Variants in ARHGEF33 observed in about 807,000 individuals in gnomAD.
The protein encoded by ARHGEF33 is Rho guanine nucleotide exchange factor 33.
In ARHGEF33, 72 loss-of-function variants were observed where a neutral mutation model predicts 101.9. The ratio of observed to expected loss-of-function variants is 0.71; its 90% CI spans 0.58 to 0.86. The LOEUF (loss-of-function observed/expected upper bound fraction) is 0.86. Among genes scored for constraint, ARHGEF33 ranks in the 40% least tolerant of loss-of-function variants. The pLI is 0.00. For missense variants in ARHGEF33, 1,169 were observed against 1,111.3 expected, an observed-to-expected ratio of 1.05 and a Z score of -0.74; for synonymous variants, 499 against 442.5, an observed-to-expected ratio of 1.13 and a Z score of -1.60.
intron 2 of ARHGEF33, among the ~76,000 whole-genome samples, chr2:38,912,400 T>A (rs2124986714): frequency 6.6e-6 from 1 of 152,350 alleles, no homozygotes. Context: ...TTCATAATCA[T>A]AGCAAGGCTT....
intron 2 of ARHGEF33, among the ~76,000 whole-genome samples, chr2:38,901,204 G>A (rs778254523): frequency 6.6e-6 from 1 of 152,150 alleles, no homozygotes; most frequent in Non-Finnish European, 1.5e-5. Context: ...CCAGAAAGAA[G>A]CATTCTTTCA....
At chr2:38,913,637 G>T (rs559929577) in intron 2 of ARHGEF33, among the ~76,000 whole-genome samples, 1 of 151,710 alleles carries the variant, frequency 6.6e-6, no homozygotes, top group Non-Finnish European at 1.5e-5. Context: ...TTAGCTGGGC[G>T]TGGTGGCGCA....
chr2:38,955,822 G>T (rs538859435), intron 13 of ARHGEF33, among the ~76,000 whole-genome samples: 3 of 151,784 alleles, frequency 2.0e-5, no homozygotes, highest in Admixed American at 1.3e-4. Flanking sequence ...GACTACAGGC[G>T]CCCACCACCA....
At chr2:38,956,255 G>T (rs991886445) in intron 13 of ARHGEF33, among the ~76,000 whole-genome samples, 1 of 152,152 alleles carries the variant, frequency 6.6e-6, no homozygotes, top group Non-Finnish European at 1.5e-5. Flanking sequence ...TTATTTACTA[G>T]ATGTGTGACC....
chr2:38,906,247 G>A (rs932148710), intron 2 of ARHGEF33, among the ~76,000 whole-genome samples: 3 of 151,484 alleles, frequency 2.0e-5, no homozygotes, highest in African/African-American at 7.3e-5. Context: ...CTAACTATCT[G>A]GGACAAAGGA....
intron 16 of ARHGEF33, among the ~76,000 whole-genome samples, chr2:38,961,005 C>G (rs533155932): frequency 6.2e-4 from 94 of 152,292 alleles, no homozygotes; most frequent in African/African-American, 2.2e-3. Context: ...TCTCTTCCTG[C>G]TTATGTGAAG....
chr2:38,968,837 C>A (rs530542944), intron 17 of ARHGEF33, among the ~76,000 whole-genome samples: 2 of 152,310 alleles, frequency 1.3e-5, no homozygotes, highest in South Asian at 4.1e-4. Flanking sequence ...GCTTAGGGTG[C>A]TGCAGTGGGC....
rs1667902281 is a variant in ARHGEF33, at chr2:38,960,553, G to T, written c.2248G>T (p.Ala750Ser). 1.6e-6 allele frequency: 2 copies of T among 1,261,834 alleles called. No homozygotes were observed. Among genetic ancestry groups the T allele is most frequent in the Admixed American group, 3.7e-5 (1 of 27,378 alleles). 78.2% of individuals were successfully genotyped at this position (1,261,834 alleles called of 1,614,324 possible). The change falls in exon 16 of 18, where the codon GCC becomes TCC. Residue 750 changes from alanine to serine, a missense_variant. Physicochemically the swap from Ala to Ser is moderately conservative, Grantham distance 99. Transcript: ENST00000409978. ...GCGCGCCGCGCAGGCGCACGGCCCGGCCGCCGCCGCCGTCGCCGCCCGCGG... is the reference window on the plus strand; with the variant it reads ...GCGCGCCGCGCAGGCGCACGGCCCGTCCGCCGCCGCCGTCGCCGCCCGCGG... ...AERAAQAHGP[A>S]AAAVAARGAS...
intron 17 of ARHGEF33, chr2:38,972,071 T>A (rs554823005): frequency 4.5e-6 from 3 of 669,762 alleles, no homozygotes; most frequent in African/African-American, 1.8e-5. Flanking sequence ...GACTTTCTGA[T>A]GAGAAACTGT....
chr2:38,975,005 A>T lies in ARHGEF33; in HGVS notation c.*1162A>T, dbSNP rs769405175. The T allele has an allele frequency of 6.6e-6, 1 of 152,198 alleles. No individual in the cohort carries two copies. The highest frequency in any genetic ancestry group is 1.5e-5 in the Non-Finnish European group (1 of 68,038). 9.4% of individuals were successfully genotyped at this position (152,198 alleles called of 1,614,324 possible). ...TATAATAGAAAAAAAATTGGGTTTAAACAATTTGTCTTTATTCCCAGGCAG... is the reference window on the plus strand; with the variant it reads ...TATAATAGAAAAAAAATTGGGTTTATACAATTTGTCTTTATTCCCAGGCAG... On this transcript the variant is annotated 3_prime_UTR_variant, in exon 18 of 18. Transcript: ENST00000409978.
chr2:38,898,829 G>A (rs968062102), intron 2 of ARHGEF33, among the ~76,000 whole-genome samples: 25 of 152,176 alleles, frequency 1.6e-4, no homozygotes, highest in African/African-American at 5.8e-4. Flanking sequence ...AACTGTGCAT[G>A]TATTGCATAT....
intron 15 of ARHGEF33, 145 bp downstream of exon 15, chr2:38,958,343 T>C (rs1373470352): frequency 2.8e-6 from 3 of 1,061,006 alleles, no homozygotes; most frequent in African/African-American, 3.2e-5. Flanking sequence ...ACCCGATTCT[T>C]GGGTCCCAGA....
At chr2:38,958,258 T>C in intron 15 of ARHGEF33, 60 bp downstream of exon 15, 3 of 1,538,438 alleles carry the variant, frequency 2.0e-6, no homozygotes, top group Non-Finnish European at 2.6e-6. Context: ...AGCCAGTCTG[T>C]GCGGGTTAGC....
intron 2 of ARHGEF33, among the ~76,000 whole-genome samples, chr2:38,910,400 G>A (rs1442913011): frequency 3.3e-5 from 5 of 152,058 alleles, no homozygotes; most frequent in Non-Finnish European, 5.9e-5. Context: ...GTGAAACCCC[G>A]TCTCTACTAA....
intron 10 of ARHGEF33, among the ~76,000 whole-genome samples, chr2:38,950,562 C>T (rs1667574187): frequency 6.6e-6 from 1 of 152,202 alleles, no homozygotes; most frequent in Non-Finnish European, 1.5e-5. Context: ...AGTGATTCTC[C>T]TGCCTTAGCC....
intron 2 of ARHGEF33, among the ~76,000 whole-genome samples, chr2:38,908,002 G>A (rs1011524089): frequency 6.6e-6 from 1 of 151,226 alleles, no homozygotes; most frequent in African/African-American, 2.4e-5. Context: ...GGGACTACAG[G>A]TGCATGCCAA....
At chr2:38,913,035 A>AT (rs1277085436) in intron 2 of ARHGEF33, among the ~76,000 whole-genome samples, 10 of 148,902 alleles carry the variant, frequency 6.7e-5, no homozygotes, top group African/African-American at 2.5e-4. Flanking sequence ...CTGTCAACAA[A>AT]TTGTTTTTTT....
At position 38,959,874 on chromosome 2, in the gene ARHGEF33, G is replaced by A. The variant is rs1347992906; in HGVS notation, c.1569G>A (p.Gln523=). 4 of 1,551,030 alleles carry A rather than the reference G, an allele frequency of 2.6e-6. No individual in the cohort carries two copies. Among genetic ancestry groups the A allele is most frequent in the Non-Finnish European group, 3.5e-6 (4 of 1,146,324 alleles). ...TGCCCCCAGTGAAGAAAAGCCAACAGCAGCAAAGCCTGATGGAGAGCATGC... is the reference window on the plus strand; with the variant it reads ...TGCCCCCAGTGAAGAAAAGCCAACAACAGCAAAGCCTGATGGAGAGCATGC... ...HLMPPVKKSQ[Q]QQSLMESMQP... The change falls in exon 16 of 18, where the codon CAG becomes CAA. Residue 523 remains glutamine (Q), a synonymous_variant. Transcript: ENST00000409978.
At chr2:38,897,209 C>T (rs1484979667) in intron 2 of ARHGEF33, among the ~76,000 whole-genome samples, 1 of 152,168 alleles carries the variant, frequency 6.6e-6, no homozygotes, top group East Asian at 1.9e-4. Context: ...CCACCACACC[C>T]AGCCAACCCA....
Sources: gnomAD v4.1 joint callset for allele counts (sites outside exome capture counted in the v4.1 genomes callset) on GRCh38, gnomAD v4.1.1 for gene constraint, MANE v1.5 for transcripts, NCBI Gene and HGNC (gene_info 2026-07-23, HGNC 2026-07-21) for gene names.